SCAPER: variants seen among roughly 807,000 people sequenced by gnomAD.
SCAPER encodes S phase cyclin A-associated protein in the endoplasmic reticulum.
In SCAPER, 98 loss-of-function variants were observed where a neutral mutation model predicts 182.2. The ratio of observed to expected loss-of-function variants is 0.54; its 90% CI spans 0.46 to 0.64. SCAPER has a LOEUF of 0.64. Among genes scored for constraint, SCAPER ranks in the 30% least tolerant of loss-of-function variants. The pLI is 0.00. For synonymous variants in SCAPER, 605 were observed against 564.6 expected, an observed-to-expected ratio of 1.07 and a Z score of -1.01; for missense variants, 1,432 against 1,690.0, an observed-to-expected ratio of 0.85 and a Z score of 2.68.
chr15:76,849,171 C>A (rs1356541640), intron 4 of SCAPER, among the ~76,000 whole-genome samples: 1 of 152,132 alleles, frequency 6.6e-6, no homozygotes, highest in East Asian at 1.9e-4. Flanking sequence ...CAAGCTCATG[C>A]CAGCAGTGCA....
At chr15:76,441,946 G>A (rs2047641553) in intron 25 of SCAPER, among the ~76,000 whole-genome samples, 1 of 151,964 alleles carries the variant, frequency 6.6e-6, no homozygotes, top group African/African-American at 2.4e-5. Flanking sequence ...AATGCATGTA[G>A]ACACTGATTT....
At chr15:76,779,930 AG>A (rs2063998746) in intron 8 of SCAPER, among the ~76,000 whole-genome samples, 1 of 152,242 alleles carries the variant, frequency 6.6e-6, no homozygotes, top group African/African-American at 2.4e-5. Context: ...ATGGGTGAAT[AG>A]GAACAGCTCC....
At chr15:76,780,058 C>T (rs2064011788) in intron 8 of SCAPER, among the ~76,000 whole-genome samples, 1 of 152,190 alleles carries the variant, frequency 6.6e-6, no homozygotes, top group Admixed American at 6.5e-5. Flanking sequence ...AAAGGCGAGC[C>T]AAAGCAGGGC....
At chr15:76,446,913 C>T (rs2048038468) in intron 25 of SCAPER, among the ~76,000 whole-genome samples, 1 of 152,190 alleles carries the variant, frequency 6.6e-6, no homozygotes, top group Non-Finnish European at 1.5e-5. Flanking sequence ...CCCTGTTTCA[C>T]TTTCAGTACA....
At position 76,729,295 on chromosome 15, in the gene SCAPER, TACACAC is replaced by T. The variant is rs57440824; in HGVS notation, c.2023-564_2023-559del. Among the ~76,000 whole-genome samples, 562 of 144,280 alleles carry T rather than the reference TACACAC, an allele frequency of 3.9e-3. 4 individuals are homozygous for T. Among genetic ancestry groups the T allele is most frequent in the Non-Finnish European group, 5.2e-3 (341 of 65,432 alleles). 94.7% of individuals were successfully genotyped at this position (144,280 alleles called of 152,430 possible). The stretch of plus-strand genomic sequence containing the variant: ...ACACACACACACATATATATACACA[TACACAC>T]ACACACACACACACACACACACACA... On this transcript the variant is annotated intron_variant, in intron 16 of 31. Transcript: ENST00000563290.
In SCAPER at chr15:76,404,557, G is replaced by C. The variant is rs764852884; in HGVS notation, c.3434C>G (p.Ala1145Gly). 13 of 1,613,262 alleles carry C rather than the reference G, an allele frequency of 8.1e-6. No homozygotes were observed. Among genetic ancestry groups the C allele is most frequent in the Non-Finnish European group, 1.7e-6 (2 of 1,179,590 alleles). ...FLQHAAGLLH[A>G]MCTLCFAVTG... ...GACAGCAAAGCACAGTGTACACATT[G>C]CATGTAAGAGTCCTGCGGCATGCTG... is the stretch of plus-strand genomic sequence containing the variant. Residue 1145 changes from alanine to glycine, a missense_variant, in exon 27 of 32, where the codon GCA becomes GGA. This residue lies in a region of SCAPER where 718 missense variants were observed against 799.7 expected (regional missense o/e 0.90). Coordinates refer to ENST00000563290, the MANE Select transcript of SCAPER (RefSeq NM_020843.4).
intron 28 of SCAPER, among the ~76,000 whole-genome samples, chr15:76,377,901 T>A (rs1311590947): frequency 6.6e-6 from 1 of 152,224 alleles, no homozygotes; most frequent in African/African-American, 2.4e-5. Context: ...GGTAAATTCT[T>A]CTTTTCAGAA....
intron 5 of SCAPER, among the ~76,000 whole-genome samples, chr15:76,827,380 G>A (rs1598954499): frequency 6.6e-6 from 1 of 152,168 alleles, no homozygotes; most frequent in Admixed American, 6.5e-5. Flanking sequence ...AAGCTCTTCT[G>A]TAGTGAGTAT....
At chr15:76,703,036 A>G in intron 18 of SCAPER, 34 bp from the exon 19 acceptor site, 1 of 1,512,396 alleles carries the variant, frequency 6.6e-7, no homozygotes, top group Non-Finnish European at 8.8e-7. Context: ...GAATTTCAAA[A>G]ATTATTCAAA....
chr15:76,406,333 C>A (rs766926353), intron 26 of SCAPER, among the ~76,000 whole-genome samples: 6 of 151,830 alleles, frequency 4.0e-5, no homozygotes, highest in Non-Finnish European at 7.4e-5. Flanking sequence ...CAAAAATTAG[C>A]CAGGCATGGT....
intron 22 of SCAPER, among the ~76,000 whole-genome samples, chr15:76,621,423 A>T (rs1048431446): frequency 6.6e-6 from 1 of 152,142 alleles, no homozygotes; most frequent in Non-Finnish European, 1.5e-5. Flanking sequence ...CCAGAACCTG[A>T]TCTGTTAGAA....
intron 27 of SCAPER, among the ~76,000 whole-genome samples, chr15:76,387,430 C>T (rs189125584): frequency 2.6e-4 from 39 of 152,248 alleles, no homozygotes; most frequent in Non-Finnish European, 4.7e-4. Context: ...AGTAGCTATT[C>T]AATACATATG....
At chr15:76,785,181 C>A (rs1053142731) in intron 8 of SCAPER, among the ~76,000 whole-genome samples, 1 of 151,990 alleles carries the variant, frequency 6.6e-6, no homozygotes, top group Admixed American at 6.6e-5. Flanking sequence ...AACAAATTTA[C>A]AAGAAAAAAA....
intron 2 of SCAPER, among the ~76,000 whole-genome samples, chr15:76,869,673 T>C (rs1392434943): frequency 2.6e-4 from 40 of 152,060 alleles, no homozygotes; most frequent in Non-Finnish European, 2.9e-5. Flanking sequence ...AAAATTAGTA[T>C]GCCATTATAG....
At chr15:76,396,778 C>A (rs981929386) in intron 27 of SCAPER, among the ~76,000 whole-genome samples, 8 of 152,106 alleles carry the variant, frequency 5.3e-5, no homozygotes, top group Non-Finnish European at 8.8e-5. Context: ...AATTTGACTT[C>A]TTCCTTTCTG....
chr15:76,457,388 C>T (rs752911509), intron 25 of SCAPER, among the ~76,000 whole-genome samples: 1 of 152,260 alleles, frequency 6.6e-6, no homozygotes, highest in African/African-American at 2.4e-5. Context: ...ATTATTGACA[C>T]ATTGGGTTTA....
intron 24 of SCAPER, among the ~76,000 whole-genome samples, chr15:76,495,577 C>CAA (rs71444987): frequency 0.016 from 878 of 56,160 alleles, 31 homozygotes; most frequent in South Asian, 0.023. Flanking sequence ...GACTTGGTCT[C>CAA]AAAAAAAAAA....
At chr15:76,821,981 G>A (rs990030989) in intron 5 of SCAPER, among the ~76,000 whole-genome samples, 2 of 152,158 alleles carry the variant, frequency 1.3e-5, no homozygotes, top group Non-Finnish European at 2.9e-5. Flanking sequence ...AAGATCAGTG[G>A]CTGCTGGGGT....
At chr15:76,904,612 G>A (rs907593) in intron 1 of SCAPER, 39,910 of 152,026 alleles carry the variant, frequency 0.26, 6,176 homozygotes, top group East Asian at 0.55. Flanking sequence ...CCACGAACGC[G>A]CCTGGAAAAC....
Sources: gnomAD v4.1 joint callset for allele counts (sites outside exome capture counted in the v4.1 genomes callset) on GRCh38, gnomAD v4.1.1 for gene constraint, gnomAD v4.1.1 regional missense constraint, MANE v1.5 for transcripts, NCBI Gene and HGNC (gene_info 2026-07-23, HGNC 2026-07-21) for gene names.